VPS50: variants seen among roughly 807,000 people sequenced by gnomAD.
The protein encoded by VPS50 is syndetin.
Under a neutral mutation model 139.7 loss-of-function variants are expected in VPS50, and 70 were observed. The ratio of observed to expected loss-of-function variants is 0.50; its 90% CI spans 0.41 to 0.61. The LOEUF (loss-of-function observed/expected upper bound fraction) is 0.61. VPS50 is among the 20% of genes least tolerant of loss of function. VPS50 has a pLI of 0.00. For missense variants in VPS50, 921 were observed against 1,133.7 expected, an observed-to-expected ratio of 0.81 and a Z score of 2.69; for synonymous variants, 365 against 376.7, an observed-to-expected ratio of 0.97 and a Z score of 0.36.
intron 14 of VPS50, chr7:93,295,486 G>A (rs1208688107): frequency 6.6e-6 from 1 of 152,134 alleles, no homozygotes; most frequent in Non-Finnish European, 1.5e-5. Context: ...GACCATAGCA[G>A]TATCTTATTA....
intron 12 of VPS50, among the ~76,000 whole-genome samples, chr7:93,288,245 TA>T (rs1212694164): frequency 6.6e-6 from 1 of 152,036 alleles, no homozygotes; most frequent in African/African-American, 2.4e-5. Flanking sequence ...ACCATATCAC[TA>T]AGGGAAAACA....
intron 2 of VPS50, chr7:93,246,092 T>G: frequency 1.3e-6 from 2 of 1,515,464 alleles, no homozygotes; most frequent in Non-Finnish European, 1.8e-6. Flanking sequence ...CTTTTTTTTT[T>G]TGCTTTCAGT....
intron 6 of VPS50, 96 bp downstream of exon 6, chr7:93,257,560 A>T: frequency 5.8e-6 from 4 of 686,548 alleles, no homozygotes; most frequent in Non-Finnish European, 9.7e-6. Flanking sequence ...TAAATTATGG[A>T]TGTGGTTTCT....
Position 93,305,863 on chromosome 7 carries a change from A to G in VPS50, c.1488A>G (p.Ser496=), listed in dbSNP as rs1797100368. The G allele has an allele frequency of 6.2e-7, 1 of 1,612,582 alleles. No individual in the cohort carries two copies. Among genetic ancestry groups the G allele is most frequent in the Admixed American group, 1.7e-5 (1 of 59,914 alleles). ...FKFMEQSRSP[S]VSPSKQPVST... ...TCATGGAACAGTCTCGCTCCCCATC[A>G]GTTTCACCTAGTAAACAGCCAGTCT... Residue 496 remains serine (S), a synonymous_variant, in exon 18 of 28, where the codon TCA becomes TCG. Coordinates refer to ENST00000305866, the MANE Select transcript of VPS50 (RefSeq NM_017667.4).
intron 23 of VPS50, among the ~76,000 whole-genome samples, chr7:93,344,010 C>T (rs1387178162): frequency 1.3e-5 from 2 of 152,088 alleles, no homozygotes; most frequent in African/African-American, 4.8e-5. Context: ...GGACTAAATG[C>T]TCCAATTAAA....
At chr7:93,285,847 G>A (rs562598880) in intron 12 of VPS50, among the ~76,000 whole-genome samples, 3 of 152,200 alleles carry the variant, frequency 2.0e-5, no homozygotes, top group Non-Finnish European at 4.4e-5. Context: ...TGGAAATGCT[G>A]TGAGCTTCTT....
intron 21 of VPS50, among the ~76,000 whole-genome samples, chr7:93,333,663 C>A (rs543988030): frequency 6.6e-6 from 1 of 152,062 alleles, no homozygotes; most frequent in Non-Finnish European, 1.5e-5. Context: ...AATAGAAAAT[C>A]GTATTGATTT....
chr7:93,313,127 A>G (rs765151133), intron 20 of VPS50, among the ~76,000 whole-genome samples: 2 of 152,184 alleles, frequency 1.3e-5, no homozygotes, highest in Non-Finnish European at 2.9e-5. Context: ...TGGGGAGAAG[A>G]GCAAAAGCAA....
rs150920363 is a variant in VPS50 at position 93,283,961 on chromosome 7, A to G, written c.942+7656A>G. Among the ~76,000 whole-genome samples, 428 of 152,336 alleles carry G rather than the reference A, an allele frequency of 2.8e-3. 2 individuals are homozygous for G. Among genetic ancestry groups the G allele is most frequent in the Non-Finnish European group, 5.0e-3 (338 of 68,030 alleles). ...GAGCACATGCTTTGGGTAACCATTT[A>G]TCTGAGTAACTAGTGTTAACTGTCT... On this transcript the variant is annotated intron_variant, in intron 12 of 27. Coordinates refer to ENST00000305866, the MANE Select transcript of VPS50 (RefSeq NM_017667.4).
chr7:93,238,708 G>A lies in VPS50; in HGVS notation c.34-1158G>A, dbSNP rs369509211. Among the ~76,000 whole-genome samples, 12 of 152,260 alleles carry A rather than the reference G, an allele frequency of 7.9e-5. No individual in the cohort carries two copies. The East Asian group carries it at 1.7e-3, about 22-fold the overall frequency. Reference sequence around the variant, plus strand: ...TTACTTTTAACAAGTTCCCTGGGTGGTGTTGATGGACATGATCCAAGGGTT... The same window carrying A: ...TTACTTTTAACAAGTTCCCTGGGTGATGTTGATGGACATGATCCAAGGGTT... On this transcript the variant is annotated intron_variant, in intron 1 of 27. Transcript: ENST00000305866.
At chr7:93,257,494 A>C in intron 6 of VPS50, 30 bp downstream of exon 6, 1 of 1,247,108 alleles carries the variant, frequency 8.0e-7, no homozygotes, top group Non-Finnish European at 1.2e-6. Context: ...TTTGTTCTTT[A>C]AGCTGAACAA....
At chr7:93,271,000 T>G in intron 9 of VPS50, 1 of 536,520 alleles carries the variant, frequency 1.9e-6, no homozygotes, top group South Asian at 6.3e-5. Flanking sequence ...GTAGATTCTT[T>G]CTTTCTACTC....
chr7:93,330,778 A>AAT (rs1554376672), intron 21 of VPS50, among the ~76,000 whole-genome samples: 1 of 151,264 alleles, frequency 6.6e-6, no homozygotes, highest in Non-Finnish European at 1.5e-5. Flanking sequence ...AAAAAAAAAA[A>AAT]AAAACCCAAA....
chr7:93,302,537 T>C (rs1797007646), intron 16 of VPS50, among the ~76,000 whole-genome samples: 1 of 152,050 alleles, frequency 6.6e-6, no homozygotes, highest in Non-Finnish European at 1.5e-5. Context: ...ATTGCAGTTA[T>C]TTGAAATTCT....
Position 93,358,527 on chromosome 7 carries a change from C to T in VPS50, c.*91C>T. On this transcript the variant is annotated 3_prime_UTR_variant, in exon 28 of 28. Coordinates refer to ENST00000305866, the MANE Select transcript of VPS50 (RefSeq NM_017667.4). Reference sequence around the variant, plus strand: ...TTTTTTATGCACTTCTGACAACTATCTGCTAAGAAAACTTTGTGCATGTTT... The same window carrying T: ...TTTTTTATGCACTTCTGACAACTATTTGCTAAGAAAACTTTGTGCATGTTT... The T allele has an allele frequency of 9.6e-7, 1 of 1,042,800 alleles. No homozygotes were observed. Among genetic ancestry groups the T allele is most frequent in the South Asian group, 1.5e-5 (1 of 65,788 alleles). 64.6% of individuals were successfully genotyped at this position (1,042,800 alleles called of 1,614,324 possible).
At chr7:93,355,412 C>T (rs1340394370) in intron 26 of VPS50, among the ~76,000 whole-genome samples, 1 of 152,132 alleles carries the variant, frequency 6.6e-6, no homozygotes, top group Non-Finnish European at 1.5e-5. Flanking sequence ...TCTATGCTTA[C>T]ATGCTTACAC....
chr7:93,244,321 T>C (rs920210628), intron 2 of VPS50, among the ~76,000 whole-genome samples: 1 of 151,914 alleles, frequency 6.6e-6, no homozygotes, highest in African/African-American at 2.4e-5. Context: ...TTGACTTGAC[T>C]TCTTAAAATC....
At chr7:93,281,742 A>G (rs1796332966) in intron 12 of VPS50, among the ~76,000 whole-genome samples, 1 of 152,234 alleles carries the variant, frequency 6.6e-6, no homozygotes. Flanking sequence ...ATTTTAAATT[A>G]TACAACTAAA....
At chr7:93,349,150 G>T (rs1192439252) in intron 24 of VPS50, among the ~76,000 whole-genome samples, 2 of 152,174 alleles carry the variant, frequency 1.3e-5, no homozygotes, top group Non-Finnish European at 2.9e-5. Flanking sequence ...AGGCTATCTA[G>T]AGGAAGTAAT....
Sources: allele counts gnomAD v4.1 joint callset (sites outside exome capture counted in the v4.1 genomes callset), GRCh38; gene constraint gnomAD v4.1.1; transcripts MANE v1.5; gene names NCBI Gene and HGNC (gene_info 2026-07-23, HGNC 2026-07-21).